The following NDST3 variants were observed in gnomAD, a reference collection of about 807,000 sequenced individuals.
NDST3 encodes bifunctional heparan sulfate N-deacetylase/N-sulfotransferase 3.
Under a neutral mutation model 96.1 loss-of-function variants are expected in NDST3, and 58 were observed. The observed-to-expected ratio is 0.60, with a 90% CI of 0.49 to 0.75. NDST3 has a LOEUF of 0.75. Among genes scored for constraint, NDST3 ranks in the 30% least tolerant of loss-of-function variants. NDST3 has a pLI of 0.00. For synonymous variants in NDST3, 333 were observed against 359.7 expected (o/e 0.93, Z 0.84); for missense variants, 788 against 1,034.2 (o/e 0.76, Z 3.27).
chr4:118,250,189 T>G (rs1741597668), intron 12 of NDST3, among the ~76,000 whole-genome samples: 1 of 152,224 alleles, frequency 6.6e-6, no homozygotes, highest in South Asian at 2.1e-4. Flanking sequence ...TACATTTGCA[T>G]TGCATTCGAG....
intron 2 of NDST3, among the ~76,000 whole-genome samples, chr4:118,069,255 G>A (rs1726846532): frequency 6.6e-6 from 1 of 151,850 alleles, no homozygotes; most frequent in Non-Finnish European, 1.5e-5. Context: ...GAGAGAGAGA[G>A]GTTAATTATA....
At chr4:118,181,964 T>C (rs1423643932) in intron 6 of NDST3, among the ~76,000 whole-genome samples, 1 of 152,174 alleles carries the variant, frequency 6.6e-6, no homozygotes, top group South Asian at 2.1e-4. Flanking sequence ...TTTTATGATT[T>C]AACCAAGGAT....
chr4:118,110,361 G>C (rs1428286350), intron 3 of NDST3, among the ~76,000 whole-genome samples: 1 of 152,194 alleles, frequency 6.6e-6, no homozygotes, highest in African/African-American at 2.4e-5. Context: ...ATCTGAGTTA[G>C]AACTCAGAAT....
At chr4:118,237,007 A>C in intron 9 of NDST3, 39 bp from the exon 10 acceptor site, 1 of 1,495,230 alleles carries the variant, frequency 6.7e-7, no homozygotes, top group Non-Finnish European at 9.1e-7. Context: ...AATGAGTATA[A>C]ACCAGAATCT....
intron 2 of NDST3, among the ~76,000 whole-genome samples, chr4:118,099,315 G>C (rs1729588342): frequency 6.6e-6 from 1 of 152,082 alleles, no homozygotes; most frequent in Non-Finnish European, 1.5e-5. Flanking sequence ...GCAGATGGTG[G>C]CCTTGGCCTA....
chr4:118,112,505 A>T (rs984500333), intron 3 of NDST3, among the ~76,000 whole-genome samples: 2 of 152,208 alleles, frequency 1.3e-5, no homozygotes, highest in Admixed American at 6.5e-5. Context: ...CCTGCTCTCA[A>T]TGTGAGAAAA....
chr4:118,136,764 C>T (rs767856478), intron 4 of NDST3, among the ~76,000 whole-genome samples: 1 of 151,804 alleles, frequency 6.6e-6, no homozygotes, highest in African/African-American at 2.4e-5. Flanking sequence ...ACAGAGTTTA[C>T]GAGATAAGAA....
At chr4:118,230,582 A>G (rs1379821876) in intron 8 of NDST3, among the ~76,000 whole-genome samples, 1 of 152,158 alleles carries the variant, frequency 6.6e-6, no homozygotes, top group African/African-American at 2.4e-5. Context: ...TTCAAAAAAA[A>G]AAAAAAGAAG....
intron 4 of NDST3, among the ~76,000 whole-genome samples, chr4:118,123,147 T>G (rs991194333): frequency 6.6e-6 from 1 of 152,224 alleles, no homozygotes; most frequent in Non-Finnish European, 1.5e-5. Flanking sequence ...AGGATTTATG[T>G]AGTTTCTTGT....
intron 2 of NDST3, among the ~76,000 whole-genome samples, chr4:118,055,981 A>G (rs1425255747): frequency 6.6e-6 from 1 of 151,890 alleles, no homozygotes; most frequent in Non-Finnish European, 1.5e-5. Flanking sequence ...TCTTGGCACT[A>G]TTTTAGTCTC....
intron 4 of NDST3, among the ~76,000 whole-genome samples, chr4:118,126,564 A>G (rs949977375): frequency 6.0e-5 from 9 of 149,028 alleles, no homozygotes; most frequent in Non-Finnish European, 1.3e-4. Flanking sequence ...ACACCTCATA[A>G]TATACCTCAC....
intron 2 of NDST3, among the ~76,000 whole-genome samples, chr4:118,086,027 G>C (rs1474556935): frequency 1.3e-5 from 2 of 152,162 alleles, no homozygotes; most frequent in African/African-American, 2.4e-5. Context: ...ACCATTGTGA[G>C]AAAGCTTTGT....
At chr4:118,113,560 C>T (rs1011807969) in intron 3 of NDST3, among the ~76,000 whole-genome samples, 4 of 152,182 alleles carry the variant, frequency 2.6e-5, no homozygotes, top group Admixed American at 1.3e-4. Context: ...CACCAAATCA[C>T]AGGACCTGAT....
intron 1 of NDST3, among the ~76,000 whole-genome samples, chr4:118,048,718 G>A (rs970157047): frequency 6.6e-6 from 1 of 152,078 alleles, no homozygotes; most frequent in Non-Finnish European, 1.5e-5. Flanking sequence ...GGAGCACCTA[G>A]ATTCATGAAA....
intron 5 of NDST3, among the ~76,000 whole-genome samples, chr4:118,141,639 A>G (rs1578715743): frequency 1.3e-5 from 2 of 152,334 alleles, no homozygotes; most frequent in East Asian, 3.9e-4. Context: ...TATATATCCT[A>G]TAATTTTCCA....
At chr4:118,058,411 T>TCTTTGTGCACAAAGAATGAAACA (rs1725608233) in intron 2 of NDST3, among the ~76,000 whole-genome samples, 3 of 140,060 alleles carry the variant, frequency 2.1e-5, no homozygotes, top group Non-Finnish European at 4.7e-5. Context: ...AGTGTTTCAT[T>TCTTTGTGCACAAAGAATGAAACA]CTTTGTGCCA....
At chr4:118,223,731 T>G (rs949854960) in intron 6 of NDST3, among the ~76,000 whole-genome samples, 1 of 152,158 alleles carries the variant, frequency 6.6e-6, no homozygotes, top group Non-Finnish European at 1.5e-5. Context: ...ATTATGATTA[T>G]AGTAAACCAT....
At chr4:118,087,060 T>C (rs996376531) in intron 2 of NDST3, among the ~76,000 whole-genome samples, 1 of 152,110 alleles carries the variant, frequency 6.6e-6, no homozygotes, top group Non-Finnish European at 1.5e-5. Flanking sequence ...TTTTTTTGTT[T>C]CTAGACAAGA....
chr4:118,072,350 C>T (rs1205708740), intron 2 of NDST3, among the ~76,000 whole-genome samples: 2 of 151,966 alleles, frequency 1.3e-5, no homozygotes, highest in East Asian at 1.9e-4. Context: ...ATTGATTCTT[C>T]CTATTCATGA....
Sources: gnomAD v4.1 joint callset for allele counts (sites outside exome capture counted in the v4.1 genomes callset) on GRCh38, gnomAD v4.1.1 for gene constraint, MANE v1.5 for transcripts, NCBI Gene and HGNC (gene_info 2026-07-23, HGNC 2026-07-21) for gene names.